XRCC4: variants seen among roughly 807,000 people sequenced by gnomAD.
XRCC4 encodes X-ray repair cross complementing 4.
XRCC4 carries 28 observed loss-of-function variants against 39.1 expected under a neutral mutation model. The ratio of observed to expected loss-of-function variants is 0.72; its 90% CI spans 0.53 to 0.98. The LOEUF is 0.98. Ranked by LOEUF, XRCC4 falls within the 50% of genes least tolerant of loss-of-function variation. XRCC4 has a pLI of 0.00. For synonymous variants in XRCC4, 123 were observed against 126.4 expected (o/e 0.97, Z 0.18); for missense variants, 350 against 376.4 (o/e 0.93, Z 0.58).
Position 83,341,683 on chromosome 5 carries a change from G to A in XRCC4, c.894-11448G>A, listed in dbSNP as rs1756765163. 3.3e-5 allele frequency among the ~76,000 whole-genome samples: 5 copies of A among 152,108 alleles called. No homozygotes were observed. The South Asian group carries it at 1.0e-3, about 31-fold the overall frequency. ...CCCACTCCCATTAGAATGGCCTAGTGTAAAGGGTATGGATTTTGGATTTTA... is the reference window on the plus strand; with the variant it reads ...CCCACTCCCATTAGAATGGCCTAGTATAAAGGGTATGGATTTTGGATTTTA... On this transcript the variant is annotated intron_variant, in intron 7 of 7. Coordinates refer to ENST00000396027, the MANE Select transcript of XRCC4 (RefSeq NM_003401.5).
At chr5:83,366,337 C>A in the XRCC4 span, among the ~76,000 whole-genome samples, 1 of 152,166 alleles carries the variant, frequency 6.6e-6, no homozygotes, top group African/African-American at 2.4e-5. Flanking sequence ...CAGAACAAAA[C>A]AAGACGGATC....
At chr5:83,299,324 AT>A (rs1435321319) in intron 7 of XRCC4, among the ~76,000 whole-genome samples, 1 of 152,000 alleles carries the variant, frequency 6.6e-6, no homozygotes, top group Non-Finnish European at 1.5e-5. Flanking sequence ...TATTTTTAAG[AT>A]TGCTCTTATG....
intron 3 of XRCC4, among the ~76,000 whole-genome samples, chr5:83,190,417 A>G (rs114421367): frequency 0.015 from 2,216 of 152,294 alleles, 62 homozygotes; most frequent in African/African-American, 0.051. Context: ...CTCTGATGTG[A>G]ATAAATTTAA....
intron 7 of XRCC4, among the ~76,000 whole-genome samples, chr5:83,320,810 T>C (rs901878229): frequency 1.7e-4 from 22 of 126,812 alleles, no homozygotes; most frequent in Non-Finnish European, 3.0e-4. Flanking sequence ...TGTACTTCTT[T>C]TTTTTTTTTT....
intron 2 of XRCC4, among the ~76,000 whole-genome samples, chr5:83,105,609 A>G (rs1746161034): frequency 6.6e-6 from 1 of 152,178 alleles, no homozygotes; most frequent in Non-Finnish European, 1.5e-5. Flanking sequence ...TGGTAATAAT[A>G]TTTTAAAAAT....
intron 7 of XRCC4, among the ~76,000 whole-genome samples, chr5:83,332,570 CTG>C (rs929554778): frequency 6.6e-6 from 1 of 152,150 alleles, no homozygotes; most frequent in Non-Finnish European, 1.5e-5. Flanking sequence ...TATAATCTGA[CTG>C]TAAACACCTT....
At chr5:83,162,191 T>A (rs905775333) in intron 3 of XRCC4, among the ~76,000 whole-genome samples, 23 of 152,084 alleles carry the variant, frequency 1.5e-4, no homozygotes, top group Non-Finnish European at 2.1e-4. Flanking sequence ...TAATTAGTTT[T>A]AAAAAATAAA....
intron 6 of XRCC4, among the ~76,000 whole-genome samples, chr5:83,233,818 C>T (rs1752586561): frequency 6.7e-6 from 1 of 149,338 alleles, no homozygotes; most frequent in African/African-American, 2.5e-5. Context: ...AGAAGAATCG[C>T]TTGAACCTGG....
At chr5:83,241,362 A>G (rs1414757727) in intron 6 of XRCC4, among the ~76,000 whole-genome samples, 1 of 152,180 alleles carries the variant, frequency 6.6e-6, no homozygotes, top group African/African-American at 2.4e-5. Flanking sequence ...AATGATTTAT[A>G]TTGAAATTCA....
At chr5:83,270,525 A>T (rs1229053659) in intron 7 of XRCC4, among the ~76,000 whole-genome samples, 2 of 151,482 alleles carry the variant, frequency 1.3e-5, no homozygotes, top group Non-Finnish European at 2.9e-5. Context: ...TTTTTTTCCC[A>T]TTTCCACTTC....
intron 7 of XRCC4, among the ~76,000 whole-genome samples, chr5:83,321,325 G>A (rs2112132337): frequency 6.6e-6 from 1 of 152,166 alleles, no homozygotes; most frequent in Middle Eastern, 3.4e-3. Context: ...GTTTATATCA[G>A]TTTCACTTCA....
At chr5:83,308,548 G>A (rs893976024) in intron 7 of XRCC4, among the ~76,000 whole-genome samples, 8 of 152,058 alleles carry the variant, frequency 5.3e-5, no homozygotes, top group African/African-American at 1.7e-4. Flanking sequence ...CTACACTTTT[G>A]TACAGGTTTT....
chr5:83,118,024 A>G (rs1746817069), intron 3 of XRCC4, among the ~76,000 whole-genome samples: 1 of 135,040 alleles, frequency 7.4e-6, no homozygotes, highest in Non-Finnish European at 1.5e-5. Context: ...ACATATATAT[A>G]TGTGTATGTA....
chr5:83,323,574 TTTCTC>T (rs1376684741), intron 7 of XRCC4, among the ~76,000 whole-genome samples: 11 of 151,720 alleles, frequency 7.3e-5, no homozygotes, highest in Admixed American at 1.3e-4. Flanking sequence ...AATAAAAATA[TTTCTC>T]TTCTCTTCAT....
chr5:83,161,541 G>A (rs913480650), intron 3 of XRCC4, among the ~76,000 whole-genome samples: 2 of 152,104 alleles, frequency 1.3e-5, no homozygotes, highest in Non-Finnish European at 2.9e-5. Context: ...TTGAAGTCTA[G>A]GGGATCCTTT....
intron 4 of XRCC4, among the ~76,000 whole-genome samples, chr5:83,196,873 G>T (rs1012251627): frequency 6.6e-6 from 1 of 151,834 alleles, no homozygotes; most frequent in Non-Finnish European, 1.5e-5. Flanking sequence ...ATAGACGTTA[G>T]TGAGTATATG....
intron 3 of XRCC4, among the ~76,000 whole-genome samples, chr5:83,145,884 G>A (rs1350980282): frequency 7.5e-6 from 1 of 133,148 alleles, no homozygotes; most frequent in African/African-American, 2.8e-5. Flanking sequence ...CTAATATTTT[G>A]TGCTGAGTTT....
intron 3 of XRCC4, among the ~76,000 whole-genome samples, chr5:83,179,195 C>T (rs1441313309): frequency 6.6e-6 from 1 of 152,172 alleles, no homozygotes; most frequent in Non-Finnish European, 1.5e-5. Flanking sequence ...TGTTATTTCT[C>T]TTCTCAAATG....
intron 2 of XRCC4, 151 bp from the exon 3 acceptor site, chr5:83,110,877 A>C: frequency 1.5e-6 from 1 of 674,060 alleles, no homozygotes; most frequent in Non-Finnish European, 2.3e-6. Flanking sequence ...AAAAGGAATA[A>C]TTTGATTTAA....
Sources: gnomAD v4.1 joint callset for allele counts (sites outside exome capture counted in the v4.1 genomes callset) on GRCh38, gnomAD v4.1.1 for gene constraint, MANE v1.5 for transcripts, NCBI Gene and HGNC (gene_info 2026-07-23, HGNC 2026-07-21) for gene names.